ARB2A: variants seen among roughly 807,000 people sequenced by gnomAD.
ARB2A encodes ARB2 cotranscriptional regulator A, also known as cotranscriptional regulator ARB2A.
At chr5:93,863,705 T>A in the ARB2A span, 2 of 152,126 alleles carry the variant, frequency 1.3e-5, no homozygotes, top group East Asian at 3.9e-4. Context: ...ATATCTTAGG[T>A]TAACAAGCAA....
At chr5:93,739,179 C>T in the ARB2A span, 1 of 151,864 alleles carries the variant, frequency 6.6e-6, no homozygotes, top group Non-Finnish European at 1.5e-5. Flanking sequence ...AGTTAAGTCT[C>T]TTATTGGGCT....
At chr5:93,727,553 G>C in the ARB2A span, among the ~76,000 whole-genome samples, 1 of 151,904 alleles carries the variant, frequency 6.6e-6, no homozygotes, top group Non-Finnish European at 1.5e-5. Flanking sequence ...TTAACTTTTA[G>C]GAACCTTAAG....
At chr5:93,889,213 T>C in the ARB2A span, among the ~76,000 whole-genome samples, 1 of 151,852 alleles carries the variant, frequency 6.6e-6, no homozygotes, top group Admixed American at 6.6e-5. Flanking sequence ...GTTAAGTTTG[T>C]GTTTGTGTTA....
chr5:93,863,444 T>C, the ARB2A span: 2 of 151,586 alleles, frequency 1.3e-5, no homozygotes, highest in Non-Finnish European at 2.9e-5. Context: ...TATATTTATA[T>C]ATATTTAGAG....
At chr5:94,052,238 A>C in the ARB2A span, among the ~76,000 whole-genome samples, 1 of 152,132 alleles carries the variant, frequency 6.6e-6, no homozygotes, top group African/African-American at 2.4e-5. Flanking sequence ...TCAGGAGAGA[A>C]ATACACTACA....
At chr5:93,892,613 G>C in the ARB2A span, among the ~76,000 whole-genome samples, 4 of 152,042 alleles carry the variant, frequency 2.6e-5, no homozygotes, top group Non-Finnish European at 4.4e-5. Context: ...ACACCACTGT[G>C]TCAGCTAGTC....
At chr5:93,961,243 T>C in the ARB2A span, among the ~76,000 whole-genome samples, 57 of 152,198 alleles carry the variant, frequency 3.7e-4, no homozygotes, top group Middle Eastern at 0.01. Flanking sequence ...TCTATTCACC[T>C]TCATGAAAAA....
At chr5:93,906,909 CT>C in the ARB2A span, among the ~76,000 whole-genome samples, 4 of 151,522 alleles carry the variant, frequency 2.6e-5, no homozygotes, top group African/African-American at 9.7e-5. Flanking sequence ...AGTACTTATG[CT>C]GCATAATTCT....
chr5:93,959,769 T>C, the ARB2A span, among the ~76,000 whole-genome samples: 1 of 152,186 alleles, frequency 6.6e-6, no homozygotes, highest in African/African-American at 2.4e-5. Flanking sequence ...GTACTTAATA[T>C]TTAGATTGTT....
chr5:93,689,216 C>T, the ARB2A span, among the ~76,000 whole-genome samples: 1 of 152,048 alleles, frequency 6.6e-6, no homozygotes, highest in African/African-American at 2.4e-5. Flanking sequence ...TCTGTGCCAC[C>T]ACCCTCATCC....
chr5:93,869,247 G>A, the ARB2A span, among the ~76,000 whole-genome samples: 1 of 152,158 alleles, frequency 6.6e-6, no homozygotes, highest in Non-Finnish European at 1.5e-5. Flanking sequence ...GCCTTAAGTT[G>A]CCCTTTCTTC....
the ARB2A span, among the ~76,000 whole-genome samples, chr5:93,919,524 G>A: frequency 4.6e-5 from 7 of 152,116 alleles, no homozygotes; most frequent in Non-Finnish European, 8.8e-5. Context: ...TTCTTAAGAT[G>A]AAAATTGGAG....
the ARB2A span, chr5:93,743,485 A>G: frequency 1.1e-6 from 1 of 948,378 alleles, no homozygotes; most frequent in Non-Finnish European, 1.3e-6. Flanking sequence ...AATATACAGA[A>G]GTTCATTTAA....
At chr5:94,092,073 AG>A in the ARB2A span, among the ~76,000 whole-genome samples, 1 of 151,684 alleles carries the variant, frequency 6.6e-6, no homozygotes, top group Non-Finnish European at 1.5e-5. Flanking sequence ...AATAATAGGC[AG>A]GGTGCAGTGG....
chr5:93,651,594 A>T, the ARB2A span, among the ~76,000 whole-genome samples: 5 of 152,238 alleles, frequency 3.3e-5, no homozygotes, highest in Admixed American at 3.3e-4. Flanking sequence ...GAAATGACAC[A>T]AGATAAAACT....
the ARB2A span, among the ~76,000 whole-genome samples, chr5:93,761,414 G>A: frequency 1.1e-4 from 16 of 152,318 alleles, no homozygotes; most frequent in East Asian, 7.7e-4. Context: ...ATTATATCCC[G>A]CACGTGGCTC....
At chr5:93,635,187 T>A in the ARB2A span, among the ~76,000 whole-genome samples, 1 of 152,328 alleles carries the variant, frequency 6.6e-6, no homozygotes, top group South Asian at 2.1e-4. Context: ...AAGTTTCTGA[T>A]TCTGATATTC....
At chr5:93,692,823 G>A in the ARB2A span, among the ~76,000 whole-genome samples, 1 of 152,158 alleles carries the variant, frequency 6.6e-6, no homozygotes, top group Non-Finnish European at 1.5e-5. Flanking sequence ...CTTGGCAAAT[G>A]CAAAAGAATG....
At chr5:93,917,776 A>T in the ARB2A span, among the ~76,000 whole-genome samples, 1 of 152,046 alleles carries the variant, frequency 6.6e-6, no homozygotes, top group Admixed American at 6.6e-5. Context: ...CTACTGGGGG[A>T]ATGGGGAGGG....
Sources: gnomAD v4.1 joint callset for allele counts (sites outside exome capture counted in the v4.1 genomes callset) on GRCh38, gnomAD v4.1.1 for gene constraint, MANE v1.5 for transcripts, NCBI Gene and HGNC (gene_info 2026-07-23, HGNC 2026-07-21) for gene names.